Variants in SERF2 observed in about 807,000 individuals in gnomAD.
The protein encoded by SERF2 is small EDRK-rich factor 2.
A neutral mutation model predicts 10.7 loss-of-function variants in SERF2; 4 were observed. That is an observed-to-expected ratio of 0.37 (90% CI 0.18 to 0.86). The LOEUF is 0.86. Ranked by LOEUF, SERF2 falls within the 40% of genes least tolerant of loss-of-function variation. The pLI, the probability that SERF2 is intolerant of heterozygous loss-of-function variation, is 0.43. For synonymous variants in SERF2, 26 were observed against 26.0 expected (o/e 1.00, Z 0.01); for missense variants, 47 against 79.1 (o/e 0.59, Z 1.54).
chr15:43,794,185 C>G lies in SERF2; in HGVS notation c.*412C>G. The stretch of plus-strand genomic sequence containing the variant: ...AATAAGTGAAACATCACAGAAGAAG[C>G]CTTTATTATACAATGACAACCAAAC... On this transcript the variant is annotated 3_prime_UTR_variant, in exon 3 of 3. Coordinates refer to ENST00000249786, the MANE Select transcript of SERF2 (RefSeq NM_001018108.4). The G allele has an allele frequency of 1.9e-6, 1 of 537,046 alleles. No homozygotes were observed. The allele number at this position is 537,046 out of a possible 1,614,324, so 33.3% of individuals were successfully genotyped here.
At chr15:43,786,025 T>C (rs946786394) in intron 2 of SERF2, among the ~76,000 whole-genome samples, 2 of 151,840 alleles carry the variant, frequency 1.3e-5, no homozygotes, top group Non-Finnish European at 2.9e-5. Context: ...AATTTTCTGC[T>C]TGTGTTTTTT....
At chr15:43,782,716 C>A (rs1197697159) in intron 1 of SERF2, among the ~76,000 whole-genome samples, 1 of 152,064 alleles carries the variant, frequency 6.6e-6, no homozygotes, top group Non-Finnish European at 1.5e-5. Flanking sequence ...GATCCTGTAA[C>A]TTTTTTCTTG....
At chr15:43,791,466 A>T (rs1173409265), upstream of SERF2, among the ~76,000 whole-genome samples, 2 of 150,146 alleles carry the variant, frequency 1.3e-5, no homozygotes, top group Admixed American at 6.6e-5. Context: ...CGAACTCCTG[A>T]CCTTCTGATC....
rs1411027628 is a variant in SERF2 at position 43,794,058 on chromosome 15, G to T, written c.*285G>T. On this transcript the variant is annotated 3_prime_UTR_variant, in exon 3 of 3. Transcript: ENST00000249786. ...TAGCTTTGTAATTCCTTGAGCGCCTGGTTTGACTGGGGACTTGGGGGGATG... is the reference window on the plus strand; with the variant it reads ...TAGCTTTGTAATTCCTTGAGCGCCTTGTTTGACTGGGGACTTGGGGGGATG... 1.5e-6 allele frequency: 2 copies of T among 1,295,870 alleles called. No individual in the cohort carries two copies. The highest frequency in any genetic ancestry group is 1.5e-5 in the African/African-American group (1 of 66,924). 80.3% of individuals were successfully genotyped at this position (1,295,870 alleles called of 1,614,324 possible). A position where few individuals can be genotyped will look rare whatever the true frequency, so the allele number is the denominator to read the frequency against.
intron 1 of SERF2, among the ~76,000 whole-genome samples, chr15:43,779,724 T>G (rs1041491237): frequency 6.6e-6 from 1 of 152,150 alleles, no homozygotes. Context: ...ACTCCTGGCC[T>G]CAAGTGATCC....
upstream of SERF2, among the ~76,000 whole-genome samples, chr15:43,791,376 GA>G (rs1405451601): frequency 6.6e-6 from 1 of 152,122 alleles, no homozygotes; most frequent in Non-Finnish European, 1.5e-5. Context: ...CAAGTAGCTG[GA>G]ATTACAGGCG....
At chr15:43,787,102 C>G (rs1596035345) in intron 2 of SERF2, among the ~76,000 whole-genome samples, 1 of 151,640 alleles carries the variant, frequency 6.6e-6, no homozygotes, top group Non-Finnish European at 1.5e-5. Context: ...TGGGTTCACG[C>G]CATTCTCCTG....
upstream of SERF2, among the ~76,000 whole-genome samples, chr15:43,790,777 A>C (rs1023765626): frequency 6.9e-6 from 1 of 144,128 alleles, no homozygotes; most frequent in Admixed American, 6.9e-5. Context: ...TTTATTATTT[A>C]TTTTGAGATG....
intron 1 of SERF2, 81 bp from the exon 2 acceptor site, chr15:43,792,894 G>A: frequency 9.8e-7 from 1 of 1,021,960 alleles, no homozygotes; most frequent in Non-Finnish European, 1.5e-6. Context: ...GGATCCTGCT[G>A]CTGGCCGCGC....
At chr15:43,786,996 GT>G (rs1477836320) in intron 2 of SERF2, among the ~76,000 whole-genome samples, 1 of 87,204 alleles carries the variant, frequency 1.1e-5, no homozygotes, top group African/African-American at 3.7e-5. Context: ...GCCTGGGTTC[GT>G]TTTTTTGTTT....
At chr15:43,788,406 G>A (rs1204590976), upstream of SERF2, among the ~76,000 whole-genome samples, 1 of 152,202 alleles carries the variant, frequency 6.6e-6, no homozygotes, top group Non-Finnish European at 1.5e-5. Flanking sequence ...GATTACAGGC[G>A]TGAGCCACTG....
In SERF2 at chr15:43,796,041, TA is replaced by T; in HGVS notation, c.*2272del. 2 of 806,122 alleles carry T rather than the reference TA, an allele frequency of 2.5e-6. No individual in the cohort carries two copies. The highest frequency in any genetic ancestry group is 4.2e-6 in the Non-Finnish European group (2 of 471,720). 49.9% of individuals were successfully genotyped at this position (806,122 alleles called of 1,614,324 possible). A position where few individuals can be genotyped will look rare whatever the true frequency, so the allele number is the denominator to read the frequency against. The stretch of plus-strand genomic sequence containing the variant: ...TGCCTAGCACATTGTGGGTACTCAA[TA>T]AAAGGTAACAGCAGCTATAATCTGA... On this transcript the variant is annotated 3_prime_UTR_variant, in exon 3 of 3. Coordinates refer to ENST00000249786, the MANE Select transcript of SERF2 (RefSeq NM_001018108.4).
intron 1 of SERF2, chr15:43,777,542 T>C (rs768669951): frequency 1.7e-5 from 3 of 177,348 alleles, no homozygotes; most frequent in East Asian, 1.6e-4. Flanking sequence ...GCAGTGAAAG[T>C]TGGCTGTCAC....
In SERF2 at chr15:43,786,760, T is replaced by C. The variant is rs376824836; in HGVS notation, c.-402+1226T>C. ...AACCAAGATTCTTTCTGCTACTCAT[T>C]TGCTTCAACCTAAGGCTGGCTCTCT... On this transcript the variant is annotated intron_variant, in intron 2 of 4. Coordinates refer to the SERF2 transcript ENST00000381359. Among the ~76,000 whole-genome samples the C allele has an allele frequency of 6.6e-5, 10 of 152,194 alleles. No homozygotes were observed. The East Asian group carries it at 7.7e-4, about 12-fold the overall frequency.
chr15:43,781,046 C>T (rs892647736), intron 1 of SERF2, among the ~76,000 whole-genome samples: 3 of 152,080 alleles, frequency 2.0e-5, no homozygotes, highest in Non-Finnish European at 4.4e-5. Flanking sequence ...ACTACTCTTG[C>T]ATTTTGGGCT....
In SERF2 at chr15:43,794,930, G is replaced by T; in HGVS notation, c.*1157G>T. ...TGTGTGTCCTTGAGGTATTGAGCTGGGCTGGACAGCTCCCCTTGAGCCAAC... is the reference window on the plus strand; with the variant it reads ...TGTGTGTCCTTGAGGTATTGAGCTGTGCTGGACAGCTCCCCTTGAGCCAAC... On this transcript the variant is annotated 3_prime_UTR_variant, in exon 3 of 3. Transcript: ENST00000249786. 8.1e-7 allele frequency: 1 copy of T among 1,229,072 alleles called. No homozygotes were observed. Among genetic ancestry groups the T allele is most frequent in the Non-Finnish European group, 1.2e-6 (1 of 864,324 alleles). 76.1% of individuals were successfully genotyped at this position (1,229,072 alleles called of 1,614,324 possible). A position where few individuals can be genotyped will look rare whatever the true frequency, so the allele number is the denominator to read the frequency against.
chr15:43,787,294 C>T (rs539868445), intron 2 of SERF2, among the ~76,000 whole-genome samples: 3 of 151,224 alleles, frequency 2.0e-5, no homozygotes, highest in Middle Eastern at 3.6e-3. Flanking sequence ...CCACCACGCC[C>T]GGCCAGGCCT....
At chr15:43,786,363 C>T (rs965333765) in intron 2 of SERF2, among the ~76,000 whole-genome samples, 3 of 143,720 alleles carry the variant, frequency 2.1e-5, no homozygotes, top group Non-Finnish European at 3.0e-5. Context: ...TGCAGTGAGC[C>T]GAGATTATGC....
At chr15:43,779,612 C>T (rs980454002) in intron 1 of SERF2, among the ~76,000 whole-genome samples, 1 of 152,092 alleles carries the variant, frequency 6.6e-6, no homozygotes, top group Non-Finnish European at 1.5e-5. Flanking sequence ...CCACCTCAGC[C>T]TCCTTCATAG....
Sources: allele counts gnomAD v4.1 joint callset (sites outside exome capture counted in the v4.1 genomes callset), GRCh38; gene constraint gnomAD v4.1.1; transcripts MANE v1.5; gene names NCBI Gene and HGNC (gene_info 2026-07-23, HGNC 2026-07-21).